Variants in ANP32B observed in about 807,000 individuals in gnomAD.
ANP32B encodes acidic leucine-rich nuclear phosphoprotein 32 family member B.
ANP32B carries 6 observed loss-of-function variants against 32.2 expected under a neutral mutation model. The ratio of observed to expected loss-of-function variants is 0.19; its 90% confidence interval spans 0.10 to 0.37. The LOEUF is 0.37. ANP32B is among the 10% of genes least tolerant of loss of function. The pLI is 1.00. For missense variants in ANP32B, 204 were observed against 289.2 expected (o/e 0.71, Z 2.14); for synonymous variants, 98 against 105.8 (o/e 0.93, Z 0.45).
chr9:97,988,138 T>G (rs1210155536), intron 1 of ANP32B, among the ~76,000 whole-genome samples: 2 of 152,138 alleles, frequency 1.3e-5, no homozygotes, highest in African/African-American at 4.8e-5. Context: ...TGTTGCTTTT[T>G]TTTTTAGAAA....
intron 1 of ANP32B, among the ~76,000 whole-genome samples, chr9:97,987,062 A>G (rs1162792908): frequency 6.6e-6 from 1 of 152,118 alleles, no homozygotes; most frequent in Non-Finnish European, 1.5e-5. Flanking sequence ...GGTAAACACA[A>G]AAGTGTTACT....
intron 1 of ANP32B, among the ~76,000 whole-genome samples, chr9:97,986,287 A>G (rs767411550): frequency 1.4e-4 from 22 of 152,264 alleles, no homozygotes; most frequent in Non-Finnish European, 2.9e-4. Context: ...GGCCTGCAGA[A>G]TCCACTGGTT....
intron 4 of ANP32B, 143 bp from the exon 5 acceptor site, chr9:98,011,128 G>GCT: frequency 8.2e-7 from 1 of 1,225,258 alleles, no homozygotes. Context: ...AAGGGACTGA[G>GCT]CTGTAGCACA....
Position 97,998,667 on chromosome 9 carries a change from T to G in ANP32B, c.316T>G (p.Leu106Val). The change falls in exon 3 of 7, where the codon TTG becomes GTG. Residue 106 changes from leucine (L) to valine (V), a missense_variant. Coordinates refer to ENST00000339399, the MANE Select transcript of ANP32B (RefSeq NM_006401.3). ...SGNKLKDISTLEPLKKLECLK... is the reference protein window; with the variant it reads ...SGNKLKDISTVEPLKKLECLK... ...AAATAAACTGAAAGATATCAGCACC[T>G]TGGAACCTTTGGTAAGTAACTGAGA... 6.3e-7 allele frequency: 1 copy of G among 1,588,044 alleles called. No individual in the cohort carries two copies. Among genetic ancestry groups the G allele is most frequent in the Non-Finnish European group, 8.5e-7 (1 of 1,170,644 alleles).
At chr9:97,998,806 T>G in intron 3 of ANP32B, 128 bp downstream of exon 3, 1 of 108,104 alleles carries the variant, frequency 9.3e-6, no homozygotes, top group South Asian at 2.3e-4. Context: ...TTTTTTTTTT[T>G]TTTTTTTTTT....
chr9:98,002,498 C>T (rs1025085110), intron 3 of ANP32B: 3 of 152,126 alleles, frequency 2.0e-5, no homozygotes, highest in Admixed American at 1.3e-4. Flanking sequence ...TCAGTATTTA[C>T]ACATTACATT....
chr9:97,987,072 T>A (rs528808867), intron 1 of ANP32B, among the ~76,000 whole-genome samples: 1 of 152,330 alleles, frequency 6.6e-6, no homozygotes, highest in Non-Finnish European at 1.5e-5. Context: ...AAAGTGTTAC[T>A]AGGGTCTTCT....
chr9:98,008,810 A>G (rs1828132188), intron 4 of ANP32B, among the ~76,000 whole-genome samples: 1 of 152,208 alleles, frequency 6.6e-6, no homozygotes, highest in Non-Finnish European at 1.5e-5. Flanking sequence ...TAATTATATC[A>G]TTATATATTA....
At chr9:97,990,496 A>G (rs1217256404) in intron 1 of ANP32B, among the ~76,000 whole-genome samples, 1 of 152,100 alleles carries the variant, frequency 6.6e-6, no homozygotes, top group South Asian at 2.1e-4. Flanking sequence ...TCTTCTCAGT[A>G]TGCTTCTGGC....
rs771283871 is a variant in ANP32B, at chr9:97,983,579, C to T, written c.24C>T (p.His8=). ...ACATGGACATGAAGAGGAGGATCCA[C>T]CTGGAGCTGAGGAACCGGACCCCGG... MDMKRRI[H]LELRNRTPAA... Residue 8 remains histidine, a synonymous_variant, in exon 1 of 7, where the codon CAC becomes CAT. Transcript: ENST00000339399. 4 of 1,587,398 alleles carry T rather than the reference C, an allele frequency of 2.5e-6. No homozygotes were observed. Among genetic ancestry groups the T allele is most frequent in the South Asian group, 2.3e-5 (2 of 86,938 alleles).
chr9:98,009,191 A>C (rs1157620736), intron 4 of ANP32B, among the ~76,000 whole-genome samples: 1 of 152,222 alleles, frequency 6.6e-6, no homozygotes, highest in Non-Finnish European at 1.5e-5. Flanking sequence ...ACATAGAATT[A>C]AAAGATGATT....
chr9:97,983,776 G>A (rs1827641916), intron 1 of ANP32B, among the ~76,000 whole-genome samples, 167 bp downstream of exon 1: 1 of 151,808 alleles, frequency 6.6e-6, no homozygotes, highest in Admixed American at 6.5e-5. Flanking sequence ...GCGAGCGCGC[G>A]AGGATTAACT....
intron 4 of ANP32B, among the ~76,000 whole-genome samples, chr9:98,009,037 G>A (rs752026834): frequency 1.4e-4 from 21 of 152,080 alleles, no homozygotes; most frequent in Non-Finnish European, 2.4e-4. Flanking sequence ...GTAGGTACTT[G>A]GTACCTGTTT....
intron 1 of ANP32B, among the ~76,000 whole-genome samples, chr9:97,992,168 C>G (rs1827835736): frequency 6.6e-6 from 1 of 152,124 alleles, no homozygotes. Flanking sequence ...CAGCTCACTG[C>G]AACTTCTGCC....
In ANP32B at chr9:98,004,990, G is replaced by A. The variant is rs1413704297; in HGVS notation, c.354G>A (p.Leu118=). The A allele has an allele frequency of 6.2e-7, 1 of 1,612,170 alleles. No homozygotes were observed. Among genetic ancestry groups the A allele is most frequent in the African/African-American group, 1.3e-5 (1 of 74,708 alleles). The part of the protein sequence containing the change: ...PLKKLECLKS[L]DLFNCEVTNL... The stretch of plus-strand genomic sequence containing the variant: ...AAAAGTTAGAATGTCTGAAAAGCCT[G>A]GACCTCTTTAACTGTGAGGTTACCA... Residue 118 remains leucine, a synonymous_variant, in exon 4 of 7, where the codon CTG becomes CTA. Transcript: ENST00000339399.
intron 1 of ANP32B, among the ~76,000 whole-genome samples, chr9:97,994,061 T>C (rs1364618673): frequency 6.6e-6 from 1 of 152,248 alleles, no homozygotes; most frequent in African/African-American, 2.4e-5. Context: ...AGATTGATCT[T>C]TGTTTTGAAT....
intron 1 of ANP32B, among the ~76,000 whole-genome samples, chr9:97,985,899 T>TC (rs1221978256): frequency 6.6e-6 from 1 of 152,134 alleles, no homozygotes; most frequent in Non-Finnish European, 1.5e-5. Flanking sequence ...TCGGCTCACC[T>TC]CAGCCTCCGC....
intron 3 of ANP32B, among the ~76,000 whole-genome samples, chr9:97,999,335 G>A (rs1827953571): frequency 6.6e-6 from 1 of 152,166 alleles, no homozygotes; most frequent in African/African-American, 2.4e-5. Context: ...GACTGGCCAA[G>A]CCATTATGTA....
intron 4 of ANP32B, among the ~76,000 whole-genome samples, chr9:98,009,110 A>G (rs1178494507): frequency 6.6e-6 from 1 of 152,242 alleles, no homozygotes; most frequent in East Asian, 1.9e-4. Flanking sequence ...GAGTTTTAAA[A>G]GGTAATGATT....
Sources: gnomAD v4.1 joint callset for allele counts (sites outside exome capture counted in the v4.1 genomes callset) on GRCh38, gnomAD v4.1.1 for gene constraint, MANE v1.5 for transcripts, NCBI Gene and HGNC (gene_info 2026-07-23, HGNC 2026-07-21) for gene names.